The following SIAH1 variants were observed in gnomAD, a reference collection of about 807,000 sequenced individuals.
The protein encoded by SIAH1 is siah E3 ubiquitin protein ligase 1, also known as E3 ubiquitin-protein ligase SIAH1.
Under a neutral mutation model 20.0 loss-of-function variants are expected in SIAH1, and 2 were observed. The observed-to-expected ratio is 0.10, with a 90% CI of 0.04 to 0.31. SIAH1 has a LOEUF of 0.31. SIAH1 is among the 10% of genes least tolerant of loss of function. The pLI is 1.00. For synonymous variants in SIAH1, 118 were observed against 125.3 expected (o/e 0.94, Z 0.39); for missense variants, 119 against 355.3 (o/e 0.33, Z 5.35).
At chr16:48,373,300 G>A (rs1256334113) in intron 1 of SIAH1, among the ~76,000 whole-genome samples, 1 of 152,112 alleles carries the variant, frequency 6.6e-6, no homozygotes, top group Non-Finnish European at 1.5e-5. Flanking sequence ...TGAAACCCCA[G>A]ATTTGTAAAT....
intron 1 of SIAH1, among the ~76,000 whole-genome samples, chr16:48,384,663 G>A (rs1252187638): frequency 1.3e-5 from 2 of 150,326 alleles, no homozygotes; most frequent in Non-Finnish European, 3.0e-5. Flanking sequence ...GTCGGGGGCA[G>A]AGAGCGGAGG....
intron 1 of SIAH1, chr16:48,365,269 T>TGA: frequency 9.6e-7 from 1 of 1,037,324 alleles, no homozygotes; most frequent in Non-Finnish European, 1.4e-6. Context: ...GAAACATGAC[T>TGA]GAGAACCTCG....
intron 1 of SIAH1, chr16:48,365,331 GACTAAT>G (rs1175986873): frequency 5.1e-5 from 82 of 1,598,934 alleles, no homozygotes; most frequent in Non-Finnish European, 6.7e-5. Flanking sequence ...AGGTTCCACT[GACTAAT>G]AGCGTTCAAG....
chr16:48,368,803 TATTCTTAGAAACAATAAAATATAAAATA>T (rs1469125947), intron 1 of SIAH1, among the ~76,000 whole-genome samples: 2 of 152,092 alleles, frequency 1.3e-5, no homozygotes, highest in Non-Finnish European at 2.9e-5. Context: ...AAACAAAAAT[TATTCTTAGAAACAATAAAATATAAAATA>T]AAATTATAGG....
At position 48,361,218 on chromosome 16, in the gene SIAH1, C is replaced by T. The variant is rs187509535; in HGVS notation, c.*362G>A. The T allele has an allele frequency of 1.3e-3, 299 of 229,880 alleles. 1 individual carries two copies. The highest frequency in any genetic ancestry group is 3.8e-3 in the Middle Eastern group (2 of 520). The allele number at this position is 229,880 out of a possible 1,614,324, so 14.2% of individuals were successfully genotyped here. A position where few individuals can be genotyped will look rare whatever the true frequency, so the allele number is the denominator to read the frequency against. On this transcript the variant is annotated 3_prime_UTR_variant, in exon 2 of 2. Transcript: ENST00000394725. Reference sequence around the variant, plus strand: ...CAGTTAAAGGAAAAAAACCCAAACACGCACACACCCACGCAGGCACACACT... The same window carrying T: ...CAGTTAAAGGAAAAAAACCCAAACATGCACACACCCACGCAGGCACACACT...
At chr16:48,374,824 T>A (rs2151051763) in intron 1 of SIAH1, among the ~76,000 whole-genome samples, 1 of 152,294 alleles carries the variant, frequency 6.6e-6, no homozygotes, top group South Asian at 2.1e-4. Context: ...ACTGAATAAC[T>A]TTGACAGTCA....
intron 1 of SIAH1, among the ~76,000 whole-genome samples, chr16:48,378,002 A>C (rs1053289653): frequency 3.3e-5 from 5 of 152,286 alleles, no homozygotes; most frequent in Non-Finnish European, 7.4e-5. Flanking sequence ...TAAGCAAATA[A>C]TACTCCTTAA....
chr16:48,366,258 C>T (rs1960837638), intron 1 of SIAH1, among the ~76,000 whole-genome samples: 2 of 152,200 alleles, frequency 1.3e-5, no homozygotes, highest in Non-Finnish European at 1.5e-5. Flanking sequence ...CTGGGAAATG[C>T]GTGGCCACAC....
intron 1 of SIAH1, among the ~76,000 whole-genome samples, chr16:48,368,355 G>A (rs908358590): frequency 6.6e-6 from 1 of 152,100 alleles, no homozygotes; most frequent in East Asian, 1.9e-4. Context: ...CAGTCAAAAT[G>A]AGCAAAAAGT....
chr16:48,365,766 T>A, intron 1 of SIAH1: 3 of 1,344,488 alleles, frequency 2.2e-6, no homozygotes, highest in Non-Finnish European at 1.9e-6. Context: ...GTCTCCCAAG[T>A]TTGTTTTCTC....
upstream of SIAH1, among the ~76,000 whole-genome samples, chr16:48,386,021 G>A (rs1961455786): frequency 6.6e-6 from 1 of 152,182 alleles, no homozygotes; most frequent in Admixed American, 6.5e-5. Context: ...GCTGAAAAGT[G>A]GGTAATGGGG....
At chr16:48,368,100 A>G (rs2151048636) in intron 1 of SIAH1, among the ~76,000 whole-genome samples, 1 of 152,322 alleles carries the variant, frequency 6.6e-6, no homozygotes, top group Admixed American at 6.5e-5. Context: ...TCCTTTTATA[A>G]ATTACTTATA....
At chr16:48,365,066 G>C (rs1463349750) in intron 1 of SIAH1, 2 of 258,246 alleles carry the variant, frequency 7.7e-6, no homozygotes, top group Non-Finnish European at 1.5e-5. Flanking sequence ...TATTTCTTGG[G>C]AACGGAGGTA....
intron 1 of SIAH1, among the ~76,000 whole-genome samples, chr16:48,372,515 T>C (rs956115148): frequency 1.3e-5 from 2 of 152,220 alleles, no homozygotes; most frequent in African/African-American, 4.8e-5. Flanking sequence ...ATACACCTGT[T>C]AGCCATGTAA....
chr16:48,371,594 C>A (rs943347614), intron 1 of SIAH1, among the ~76,000 whole-genome samples: 2 of 152,300 alleles, frequency 1.3e-5, no homozygotes, highest in South Asian at 2.1e-4. Context: ...CAGAACCAGG[C>A]AGAGGGCCAA....
chr16:48,361,317 T>C lies in SIAH1; in HGVS notation c.*263A>G. On this transcript the variant is annotated 3_prime_UTR_variant, in exon 2 of 2. Transcript: ENST00000394725. ...CACAAAACTCAGAATTATTTTACAA[T>C]GCTTCCTTTCTTAATACAAAAGATG... The C allele has an allele frequency of 2.7e-6, 1 of 371,782 alleles. No individual in the cohort carries two copies. Among genetic ancestry groups the C allele is most frequent in the South Asian group, 3.5e-5 (1 of 28,190 alleles). The allele number at this position is 371,782 out of a possible 1,614,324, so 23.0% of individuals were successfully genotyped here.
Position 48,362,400 on chromosome 16 carries a change from G to A in SIAH1, c.29C>T (p.Pro10Leu). ...TGGTGGACACTTCGAGGTACCGGTA[G>A]GTAATGCTGTAGCAGTCTGACGGCT... Reference protein sequence around the residue: MSRQTATALPTGTSKCPPSQ... With the variant: MSRQTATALLTGTSKCPPSQ... The change falls in exon 2 of 2, where the codon CCT becomes CTT. Residue 10 changes from proline (P) to leucine (L), a missense_variant. Physicochemically the swap from Pro to Leu is moderately conservative, Grantham distance 98. Coordinates refer to ENST00000394725, the MANE Select transcript of SIAH1 (RefSeq NM_003031.4). This position sits in a 1 kb window ranked among gnomAD's most constrained non-coding sequence, Gnocchi z 4.2. 1 of 1,614,132 alleles carries A rather than the reference G, an allele frequency of 6.2e-7. No individual in the cohort carries two copies. The highest frequency in any genetic ancestry group is 8.5e-7 in the Non-Finnish European group (1 of 1,179,998).
At chr16:48,376,760 T>C (rs1319076936) in intron 1 of SIAH1, among the ~76,000 whole-genome samples, 3 of 152,198 alleles carry the variant, frequency 2.0e-5, no homozygotes, top group Non-Finnish European at 4.4e-5. Flanking sequence ...AACGTCTGTA[T>C]AGACAAGATA....
intron 1 of SIAH1, among the ~76,000 whole-genome samples, chr16:48,376,481 A>AT (rs1238573137): frequency 6.6e-6 from 1 of 152,044 alleles, no homozygotes. Flanking sequence ...ATTTTATACT[A>AT]TAAAAAAAAA....
Sources: allele counts gnomAD v4.1 joint callset (sites outside exome capture counted in the v4.1 genomes callset), GRCh38; gene constraint gnomAD v4.1.1; non-coding constraint Gnocchi (gnomAD v3.1); transcripts MANE v1.5; gene names NCBI Gene and HGNC (gene_info 2026-07-23, HGNC 2026-07-21).